SLC39A1: variants seen among roughly 807,000 people sequenced by gnomAD.
The protein encoded by SLC39A1 is zinc transporter ZIP1.
SLC39A1 carries 17 observed loss-of-function variants against 21.4 expected under a neutral mutation model. The observed-to-expected ratio is 0.79, with a 90% CI of 0.54 to 1.19. The LOEUF (loss-of-function observed/expected upper bound fraction) is 1.19, where lower values mean the gene tolerates loss of function less well. Ranked by LOEUF, SLC39A1 falls within the 50% of genes most tolerant of loss-of-function variation. The pLI is 0.00. For synonymous variants in SLC39A1, 183 were observed against 185.9 expected (o/e 0.98, Z 0.13); for missense variants, 343 against 399.8 (o/e 0.86, Z 1.21).
intron 2 of SLC39A1, 26 bp downstream of exon 2, chr1:153,962,503 C>T (rs1246505398): frequency 1.2e-6 from 2 of 1,602,938 alleles, no homozygotes; most frequent in Non-Finnish European, 8.5e-7. Flanking sequence ...GCATTCATAG[C>T]AGTGTGGGGA....
intron 3 of SLC39A1, 70 bp from the exon 4 acceptor site, chr1:153,960,824 G>A: frequency 6.8e-7 from 1 of 1,478,430 alleles, no homozygotes; most frequent in Non-Finnish European, 9.1e-7. Flanking sequence ...TGAAAGCCCA[G>A]TTACACAGAC....
Position 153,962,763 on chromosome 1 carries a change from A to G in SLC39A1, c.-32-16T>C. ...ACTCTCAGACCTAGGAAGACAGACC[A>G]GAGTGGTTGGGAAAAATCATGCAAA... On this transcript the variant is annotated splice_polypyrimidine_tract_variant and intron_variant, in intron 1 of 3. Transcript: ENST00000356205. 2 of 1,465,764 alleles carry G rather than the reference A, an allele frequency of 1.4e-6. No homozygotes were observed. The highest frequency in any genetic ancestry group is 1.8e-6 in the Non-Finnish European group (2 of 1,107,866). The allele number at this position is 1,465,764 out of a possible 1,614,324, so 90.8% of individuals were successfully genotyped here. A position where few individuals can be genotyped will look rare whatever the true frequency, so the allele number is the denominator to read the frequency against.
Position 153,960,503 on chromosome 1 carries a change from G to C in SLC39A1, c.570C>G (p.His190Gln), listed in dbSNP as rs1423319239. 6.2e-7 allele frequency: 1 copy of C among 1,613,390 alleles called. No homozygotes were observed. Among genetic ancestry groups the C allele is most frequent in the African/African-American group, 1.3e-5 (1 of 75,068 alleles). ...ACVLVFSLAL[H>Q]SVFEGLAVGL... ...CTACCGCCAGCCCCTCGAACACGGAGTGGAGGGCCAGGGAGAACACCAGTA... is the reference window on the plus strand; with the variant it reads ...CTACCGCCAGCCCCTCGAACACGGACTGGAGGGCCAGGGAGAACACCAGTA... The change falls in exon 4 of 4, where the codon CAC (histidine) becomes CAG (glutamine). Residue 190 changes from histidine (H) to glutamine (Q), a missense_variant. Transcript: ENST00000356205.
rs1647237787 is a variant in SLC39A1 at position 153,959,648 on chromosome 1, C to T, written c.*450G>A. 1 of 241,308 alleles carries T rather than the reference C, an allele frequency of 4.1e-6. No individual in the cohort carries two copies. Among genetic ancestry groups the T allele is most frequent in the African/African-American group, 2.2e-5 (1 of 44,954 alleles). The allele number at this position is 241,308 out of a possible 1,614,324, so 14.9% of individuals were successfully genotyped here. ...AGGGAGATAGGTATGAGGGTAGGCG[C>T]TAAGAAGAGTAGGAGGGGTCCACTC... is the stretch of plus-strand genomic sequence containing the variant. On this transcript the variant is annotated 3_prime_UTR_variant, in exon 4 of 4. Transcript: ENST00000356205.
At chr1:153,962,837 C>A in intron 1 of SLC39A1, 90 bp from the exon 2 acceptor site, 1 of 1,067,540 alleles carries the variant, frequency 9.4e-7, no homozygotes, top group Non-Finnish European at 1.3e-6. Flanking sequence ...AGTGCAGCTC[C>A]CTGGCCCCAG....
In SLC39A1 at chr1:153,962,751, G is replaced by C. The variant is rs1647555951; in HGVS notation, c.-32-4C>G. ...GTAGCTCCAGTGACTCTCAGACCTA[G>C]GAAGACAGACCAGAGTGGTTGGGAA... On this transcript the variant is annotated splice_region_variant and splice_polypyrimidine_tract_variant and intron_variant, in intron 1 of 3. Coordinates refer to ENST00000356205, the MANE Select transcript of SLC39A1 (RefSeq NM_001271958.2). The C allele has an allele frequency of 6.6e-7, 1 of 1,505,812 alleles. No homozygotes were observed. The allele number at this position is 1,505,812 out of a possible 1,614,324, so 93.3% of individuals were successfully genotyped here.
chr1:153,962,163 A>G, intron 3 of SLC39A1, 57 bp downstream of exon 3: 1 of 1,575,116 alleles, frequency 6.3e-7, no homozygotes, highest in South Asian at 1.2e-5. Flanking sequence ...ACAAACCAAC[A>G]CTCCCAGAGG....
chr1:153,965,868 T>G (rs961110605), upstream of SLC39A1, among the ~76,000 whole-genome samples: 2 of 151,982 alleles, frequency 1.3e-5, no homozygotes, highest in African/African-American at 2.4e-5. Context: ...ACTGCAGGTG[T>G]GAGCCACCAC....
chr1:153,959,566 G>A lies in SLC39A1; in HGVS notation c.*532C>T, dbSNP rs938584031. ...AAGCAGGACTGGAGAGGCCAGAGAA[G>A]ATACCAAAATTGGCAGGGAGAGACC... On this transcript the variant is annotated 3_prime_UTR_variant, in exon 4 of 4. Coordinates refer to ENST00000356205, the MANE Select transcript of SLC39A1 (RefSeq NM_001271958.2). 4 of 328,776 alleles carry A rather than the reference G, an allele frequency of 1.2e-5. No homozygotes were observed. The highest frequency in any genetic ancestry group is 2.1e-5 in the African/African-American group (1 of 47,280). The allele number at this position is 328,776 out of a possible 1,614,324, so 20.4% of individuals were successfully genotyped here. A position where few individuals can be genotyped will look rare whatever the true frequency, so the allele number is the denominator to read the frequency against.
At chr1:153,962,826 G>T in intron 1 of SLC39A1, 79 bp from the exon 2 acceptor site, 1 of 1,190,712 alleles carries the variant, frequency 8.4e-7, no homozygotes, top group South Asian at 1.7e-5. Context: ...TTGGTCAGCA[G>T]AGTGCAGCTC....
chr1:153,965,301 C>G (rs992095610), upstream of SLC39A1, among the ~76,000 whole-genome samples: 3 of 152,010 alleles, frequency 2.0e-5, no homozygotes, highest in African/African-American at 7.2e-5. Flanking sequence ...GTGGCGCATG[C>G]CTATGATCCC....
At position 153,959,865 on chromosome 1, in the gene SLC39A1, GTC is replaced by G. The variant is rs6413528; in HGVS notation, c.*231_*232del. 695 of 536,436 alleles carry G rather than the reference GTC, an allele frequency of 1.3e-3. 6 individuals are homozygous for G. The highest frequency in any genetic ancestry group is 7.0e-3 in the Middle Eastern group (14 of 2,006). The allele number at this position is 536,436 out of a possible 1,614,324, so 33.2% of individuals were successfully genotyped here. ...CCCCAATCCTAATGTCCCCTGATATGTCTCTAGCGACTTGACCATCTCTTGTT... is the reference window on the plus strand; with the variant it reads ...CCCCAATCCTAATGTCCCCTGATATGTCTAGCGACTTGACCATCTCTTGTT... On this transcript the variant is annotated 3_prime_UTR_variant, in exon 4 of 4. Coordinates refer to ENST00000356205, the MANE Select transcript of SLC39A1 (RefSeq NM_001271958.2).
At chr1:153,961,716 TC>T (rs1647449746) in intron 3 of SLC39A1, among the ~76,000 whole-genome samples, 1 of 152,212 alleles carries the variant, frequency 6.6e-6, no homozygotes, top group South Asian at 2.1e-4. Flanking sequence ...AGGATGACTT[TC>T]CTGCCCCACT....
upstream of SLC39A1, chr1:153,967,698 T>C (rs1397181153): frequency 5.9e-5 from 9 of 152,170 alleles, no homozygotes; most frequent in Non-Finnish European, 1.2e-4. Flanking sequence ...GCGGCCCCAT[T>C]GGCCTGACTC....
At chr1:153,967,900 C>T (rs1198546514), upstream of SLC39A1, 1 of 152,152 alleles carries the variant, frequency 6.6e-6, no homozygotes, top group Non-Finnish European at 1.5e-5. Context: ...TTGACTCTTT[C>T]CGCCTTTGTT....
Position 153,962,422 on chromosome 1 carries a change from C to T in SLC39A1, c.188-72G>A, listed in dbSNP as rs754983562. The T allele has an allele frequency of 3.2e-6, 5 of 1,581,908 alleles. No individual in the cohort carries two copies. The South Asian group carries it at 5.8e-5, about 18-fold the overall frequency. ...CCAGGGCCGACCACCCCAACCCAAA[C>T]AATGGCTACCCTTGCCTTTCCCTCC... On this transcript the variant is annotated intron_variant, in intron 2 of 3. Transcript: ENST00000356205.
At position 153,959,335 on chromosome 1, in the gene SLC39A1, C is replaced by T. The variant is rs1275514974; in HGVS notation, c.*763G>A. 4 of 398,740 alleles carry T rather than the reference C, an allele frequency of 1.0e-5. No individual in the cohort carries two copies. The highest frequency in any genetic ancestry group is 1.3e-5 in the Non-Finnish European group (3 of 226,020). The allele number at this position is 398,740 out of a possible 1,614,324, so 24.7% of individuals were successfully genotyped here. ...GACACCATGTCCATGTCCCCATATT[C>T]CTAGGGTACAGCAGCAGTAGATGGC... On this transcript the variant is annotated 3_prime_UTR_variant, in exon 4 of 4. Transcript: ENST00000356205.
chr1:153,963,920 G>GT (rs1282111735), upstream of SLC39A1, among the ~76,000 whole-genome samples: 2 of 152,252 alleles, frequency 1.3e-5, no homozygotes, highest in Non-Finnish European at 2.9e-5. Flanking sequence ...AGTCTCATCT[G>GT]TCCCTCAGAA....
upstream of SLC39A1, among the ~76,000 whole-genome samples, chr1:153,965,358 C>T (rs1647724181): frequency 6.6e-6 from 1 of 151,816 alleles, no homozygotes; most frequent in Non-Finnish European, 1.5e-5. Flanking sequence ...ACCGGGGAGG[C>T]GGAGGTTGCA....
Sources: allele counts gnomAD v4.1 joint callset (sites outside exome capture counted in the v4.1 genomes callset), GRCh38; gene constraint gnomAD v4.1.1; transcripts MANE v1.5; gene names NCBI Gene and HGNC (gene_info 2026-07-23, HGNC 2026-07-21).